Variants in GNL3 observed in about 807,000 individuals in gnomAD.
The protein encoded by GNL3 is G protein nucleolar 3.
A neutral mutation model predicts 70.6 loss-of-function variants in GNL3; 77 were observed. The observed-to-expected ratio is 1.09, with a 90% confidence interval of 0.91 to 1.32. The LOEUF is 1.32. GNL3 is among the 40% of genes most tolerant of loss of function. GNL3 has a pLI of 0.00. For synonymous variants in GNL3, 252 were observed against 216.1 expected (o/e 1.17, Z -1.46); for missense variants, 634 against 644.0 (o/e 0.98, Z 0.17).
chr3:52,693,584 G>T (rs756481051), intron 12 of GNL3, 40 bp downstream of exon 12: 1 of 1,613,942 alleles, frequency 6.2e-7, no homozygotes, highest in Non-Finnish European at 8.5e-7. Context: ...TCAGCTGACA[G>T]GCCAGTGGAG....
At position 52,690,952 on chromosome 3, in the gene GNL3, A is replaced by G; in HGVS notation, c.662A>G (p.Lys221Arg). ...KDKGKITKRV[K>R]AKKNAAPFRS... ...AACTATTTGGAATTTTAGCGTGTGAAGGCAAAGAAGAATGCTGCTCCATTC... is the reference window on the plus strand; with the variant it reads ...AACTATTTGGAATTTTAGCGTGTGAGGGCAAAGAAGAATGCTGCTCCATTC... Residue 221 changes from lysine to arginine, a missense_variant, in exon 8 of 15, where the codon AAG becomes AGG. Lys to Arg is a conservative substitution (Grantham distance 26, BLOSUM62 2). Transcript: ENST00000418458. 2.5e-6 allele frequency: 4 copies of G among 1,614,000 alleles called. No individual in the cohort carries two copies. Among genetic ancestry groups the G allele is most frequent in the Non-Finnish European group, 3.4e-6 (4 of 1,179,846 alleles).
rs1553911330 is a variant in GNL3, at chr3:52,692,369, AT to A, written c.870-491del. Among the ~76,000 whole-genome samples the A allele has an allele frequency of 6.5e-4, 82 of 126,240 alleles. 3 individuals are homozygous for A. Among genetic ancestry groups the A allele is most frequent in the Admixed American group, 2.7e-3 (30 of 11,142 alleles). 82.8% of individuals were successfully genotyped at this position (126,240 alleles called of 152,430 possible). ...GCCACTGTGCCTGGCCAACTTTTAG[AT>A]TTTTTTTTTTTGGGAGATGGAGTCT... On this transcript the variant is annotated intron_variant, in intron 9 of 14. Transcript: ENST00000418458.
intron 9 of GNL3, 101 bp from the exon 10 acceptor site, chr3:52,692,771 G>A (rs778618359): frequency 9.4e-6 from 8 of 852,530 alleles, no homozygotes; most frequent in Non-Finnish European, 1.4e-5. Flanking sequence ...GGATCTGACT[G>A]ACTGTGCTGA....
chr3:52,689,315 C>A, intron 6 of GNL3, 109 bp downstream of exon 6: 1 of 1,056,864 alleles, frequency 9.5e-7, no homozygotes, highest in Non-Finnish European at 1.5e-6. Context: ...TCAGCAAAGC[C>A]AGAGTACGTG....
rs766857049 is a variant in GNL3, at chr3:52,689,254, C to A, written c.541+48C>A. The stretch of plus-strand genomic sequence containing the variant: ...GTCTTCTGTGTACATGGGTGAGGTA[C>A]GAGGAAACAGTCTGATAGTCACTGA... On this transcript the variant is annotated intron_variant, in intron 6 of 14. Transcript: ENST00000418458. 1.3e-5 allele frequency: 20 copies of A among 1,531,462 alleles called. No homozygotes were observed. The African/African-American group carries it at 1.5e-4, about 12-fold the overall frequency. 94.9% of individuals were successfully genotyped at this position (1,531,462 alleles called of 1,614,324 possible).
Position 52,687,127 on chromosome 3 carries a change from C to T in GNL3, c.73-119C>T, listed in dbSNP as rs2097317228. 15 of 824,684 alleles carry T rather than the reference C, an allele frequency of 1.8e-5. No homozygotes were observed. The South Asian group carries it at 1.9e-4, about 10-fold the overall frequency. 51.1% of individuals were successfully genotyped at this position (824,684 alleles called of 1,614,324 possible). A position where few individuals can be genotyped will look rare whatever the true frequency, so the allele number is the denominator to read the frequency against. ...CTTTGTAAGATTCCAATTAAAGCTC[C>T]ATTTTCCTAGGACATTTTATAGGCA... On this transcript the variant is annotated intron_variant, in intron 2 of 14. Coordinates refer to ENST00000418458, the MANE Select transcript of GNL3 (RefSeq NM_014366.5).
chr3:52,686,840 C>G lies in GNL3; in HGVS notation c.72+13C>G. 6.3e-7 allele frequency: 1 copy of G among 1,577,402 alleles called. No individual in the cohort carries two copies. Among genetic ancestry groups the G allele is most frequent in the South Asian group, 1.1e-5 (1 of 90,284 alleles). ...AATCCAAAAAAAGGTAAGTGTAGTG[C>G]TTGAGAGAGCTGTACCAAACACATT... On this transcript the variant is annotated intron_variant, in intron 2 of 14. Coordinates refer to ENST00000418458, the MANE Select transcript of GNL3 (RefSeq NM_014366.5).
intron 4 of GNL3, 75 bp downstream of exon 4, chr3:52,687,690 T>A: frequency 1.2e-6 from 1 of 838,152 alleles, no homozygotes; most frequent in Non-Finnish European, 2.0e-6. Context: ...CTGAGTGCAG[T>A]GGCACAATCA....
intron 9 of GNL3, 79 bp from the exon 10 acceptor site, chr3:52,692,793 C>A: frequency 8.9e-7 from 1 of 1,120,912 alleles, no homozygotes; most frequent in Non-Finnish European, 1.3e-6. Context: ...TCTGTTCAAT[C>A]CAACCCTGAG....
At position 52,690,657 on chromosome 3, in the gene GNL3, G is replaced by A. The variant is rs2097326371; in HGVS notation, c.607G>A (p.Val203Met). The A allele has an allele frequency of 1.2e-6, 2 of 1,611,008 alleles. No individual in the cohort carries two copies. The highest frequency in any genetic ancestry group is 1.7e-6 in the Non-Finnish European group (2 of 1,177,130). ...TTTGAAGAAAGAATTGCCAACAGTG[G>A]TGTTCAGAGCCTCAACAAAACCAAA... ...NYLKKELPTV[V>M]FRASTKPKDK... The change falls in exon 7 of 15, where the codon GTG becomes ATG. Residue 203 changes from valine to methionine, a missense_variant. Physicochemically the swap from Val to Met is conservative, Grantham distance 21. Transcript: ENST00000418458.
At chr3:52,694,149 T>A in intron 14 of GNL3, 44 bp from the exon 15 acceptor site, 1 of 1,589,744 alleles carries the variant, frequency 6.3e-7, no homozygotes, top group Non-Finnish European at 8.6e-7. Flanking sequence ...TGGTATAGAA[T>A]CACTTTTACT....
In GNL3 at chr3:52,687,232, CTTTAT is replaced by C. The variant is rs541003594; in HGVS notation, c.73-9_73-5del. On this transcript the variant is annotated splice_polypyrimidine_tract_variant and intron_variant, in intron 2 of 14. Transcript: ENST00000418458. ...ATATTTTTGTAAGCAGACAAAATCT[CTTTAT>C]TTTAATAGGTTCGAGAACATCATCG... 4.6e-4 allele frequency: 740 copies of C among 1,597,670 alleles called. 10 individuals are homozygous for C. The South Asian group carries it at 5.7e-3, about 12-fold the overall frequency.
intron 8 of GNL3, 189 bp from the exon 9 acceptor site, chr3:52,691,353 T>C (rs1433016303): frequency 1.6e-6 from 1 of 617,536 alleles, no homozygotes; most frequent in African/African-American, 1.9e-5. Context: ...TTTATAGTAT[T>C]TTCCTGCCTT....
chr3:52,687,190 T>C, intron 2 of GNL3, 56 bp from the exon 3 acceptor site: 1 of 1,470,186 alleles, frequency 6.8e-7, no homozygotes, highest in South Asian at 1.2e-5. Context: ...TCACTTGAAT[T>C]CTGCTTAAGT....
In GNL3 at chr3:52,694,291, T is replaced by G. The variant is rs1392924473; in HGVS notation, c.*16T>G. ...TTATGTGTAACAGAACAATGGCTTT[T>G]TATGATTTTTTTTTTAACATTTTAA... On this transcript the variant is annotated 3_prime_UTR_variant, in exon 15 of 15. Coordinates refer to ENST00000418458, the MANE Select transcript of GNL3 (RefSeq NM_014366.5). The G allele has an allele frequency of 7.2e-7, 1 of 1,391,978 alleles. No individual in the cohort carries two copies. Among genetic ancestry groups the G allele is most frequent in the African/African-American group, 1.6e-5 (1 of 64,074 alleles). 86.2% of individuals were successfully genotyped at this position (1,391,978 alleles called of 1,614,324 possible). A position where few individuals can be genotyped will look rare whatever the true frequency, so the allele number is the denominator to read the frequency against.
At chr3:52,687,919 A>C in intron 4 of GNL3, 190 bp from the exon 5 acceptor site, 1 of 601,300 alleles carries the variant, frequency 1.7e-6, no homozygotes, top group Non-Finnish European at 3.0e-6. Context: ...TGGCTGAGAG[A>C]TGAGTTCTGA....
chr3:52,692,959 G>A lies in GNL3; in HGVS notation c.957G>A (p.Ala319=), dbSNP rs781194562. 3.3e-5 allele frequency: 53 copies of A among 1,613,464 alleles called. No homozygotes were observed. In the Admixed American group the frequency reaches 6.7e-4, roughly 20 times the overall value. ...FIVSPLNSSS[A]LALRSPASIE... is the part of the protein sequence containing the mutation. Reference sequence around the variant, plus strand: ...TATCTCCACTTAATTCCTCCTCTGCGCTTGCTCTGCGAAGTCCAGCAAGTA... The same window carrying A: ...TATCTCCACTTAATTCCTCCTCTGCACTTGCTCTGCGAAGTCCAGCAAGTA... The change falls in exon 10 of 15, where the codon GCG becomes GCA. Residue 319 remains alanine (A), a synonymous_variant. Transcript: ENST00000418458.
Position 52,687,293 on chromosome 3 carries a change from T to C in GNL3, c.120T>C (p.Gly40=). 1 of 1,612,988 alleles carries C rather than the reference T, an allele frequency of 6.2e-7. No homozygotes were observed. Among genetic ancestry groups the C allele is most frequent in the Non-Finnish European group, 8.5e-7 (1 of 1,179,046 alleles). The change falls in exon 3 of 15, where the codon GGT becomes GGC. Residue 40 remains glycine (G), a synonymous_variant. Transcript: ENST00000418458. ...RKLRKEAKKR[G]HKKPRKDPGV... is the part of the protein sequence containing the mutation. ...TAAGAAAGGAGGCTAAAAAGCGGGG[T>C]CACAAGAAGCCTAGGAAAGACCCAG...
chr3:52,691,430 T>G (rs2097327150), intron 8 of GNL3, 112 bp from the exon 9 acceptor site: 2 of 715,652 alleles, frequency 2.8e-6, no homozygotes, highest in Non-Finnish European at 5.0e-6. Flanking sequence ...GACACTGAGA[T>G]CCAACTCTGA....
Sources: gnomAD v4.1 joint callset for allele counts (sites outside exome capture counted in the v4.1 genomes callset) on GRCh38, gnomAD v4.1.1 for gene constraint, MANE v1.5 for transcripts, NCBI Gene and HGNC (gene_info 2026-07-23, HGNC 2026-07-21) for gene names.